MAGEC3: variants seen among roughly 807,000 people sequenced by gnomAD.
MAGEC3 encodes MAGE family member C3.
MAGEC3 carries 34 observed loss-of-function variants against 35.3 expected under a neutral mutation model. The observed-to-expected ratio is 0.96, with a 90% CI of 0.73 to 1.28. The LOEUF is 1.28. MAGEC3 is among the 50% of genes most tolerant of loss of function. MAGEC3 has a pLI of 0.00. For synonymous variants in MAGEC3, 202 were observed against 185.6 expected (o/e 1.09, Z -0.72); for missense variants, 561 against 483.6 (o/e 1.16, Z -1.50).
At chrX:141,872,941 A>G (rs1025875837) in intron 2 of MAGEC3, among the ~76,000 whole-genome samples, 35 of 112,216 alleles carry the variant, frequency 3.1e-4, no homozygotes, top group African/African-American at 1.1e-3. Flanking sequence ...ACTCAGGATG[A>G]ACTGCCATTG....
chrX:141,855,169 G>A (rs2017772592), intron 1 of MAGEC3, among the ~76,000 whole-genome samples: 1 of 109,552 alleles, frequency 9.1e-6, no homozygotes, highest in Admixed American at 9.6e-5. Context: ...ATCCAACAGT[G>A]TGCAACTGAC....
Position 141,879,395 on chromosome X carries a change from G to A in MAGEC3, c.479G>A (p.Ser160Asn), listed in dbSNP as rs375238036. The change falls in exon 3 of 8, where the codon AGC becomes AAC. Residue 160 changes from serine to asparagine, a missense_variant. Transcript: ENST00000298296. ...TACACCCTTTCCCTTCCTGCCGTCA[G>A]CCCTGGAAAAAGGTTGTGGGGGGAG... Reference protein sequence around the residue: ...TGYTLSLPAVSPGKRLWGEKA... With the variant: ...TGYTLSLPAVNPGKRLWGEKA... 30 of 1,185,436 alleles carry A rather than the reference G, an allele frequency of 2.5e-5. No individual in the cohort carries two copies. Among genetic ancestry groups the A allele is most frequent in the Non-Finnish European group, 3.3e-5 (29 of 882,814 alleles).
chrX:141,887,355 C>T (rs768355808), intron 4 of MAGEC3, among the ~76,000 whole-genome samples: 1 of 112,244 alleles, frequency 8.9e-6, no homozygotes, highest in Non-Finnish European at 1.9e-5. Context: ...ATCCAGTGAG[C>T]GAGAAGTGGC....
chrX:141,889,265 C>G (rs781384457), intron 4 of MAGEC3, among the ~76,000 whole-genome samples: 1 of 111,578 alleles, frequency 9.0e-6, no homozygotes, highest in South Asian at 3.8e-4. Context: ...AATCAGTGTT[C>G]AATATATGGT....
At chrX:141,877,401 T>C (rs2017926761) in intron 2 of MAGEC3, among the ~76,000 whole-genome samples, 1 of 111,994 alleles carries the variant, frequency 8.9e-6, no homozygotes, top group Non-Finnish European at 1.9e-5. Flanking sequence ...ACTTTCATTT[T>C]CATACTCTTT....
intron 6 of MAGEC3, chrX:141,896,308 C>T (rs1439364712): frequency 2.3e-5 from 10 of 444,043 alleles, no homozygotes; most frequent in Admixed American, 1.5e-4. Context: ...GTACCAAGGG[C>T]CCTACCCCCA....
At chrX:141,886,485 G>A (rs966761683) in intron 4 of MAGEC3, among the ~76,000 whole-genome samples, 2 of 111,219 alleles carry the variant, frequency 1.8e-5, no homozygotes, top group Admixed American at 9.5e-5. Context: ...TGGGGAAAGG[G>A]AAATAATTGG....
At chrX:141,896,304 A>G in intron 6 of MAGEC3, 1 of 434,648 alleles carries the variant, frequency 2.3e-6, no homozygotes, top group Non-Finnish European at 3.5e-6. Flanking sequence ...CTGTGTACCA[A>G]GGGCCCTACC....
intron 4 of MAGEC3, among the ~76,000 whole-genome samples, chrX:141,893,069 A>G (rs773581161): frequency 1.8e-5 from 2 of 112,185 alleles, no homozygotes; most frequent in Non-Finnish European, 3.8e-5. Flanking sequence ...ATATATAGGA[A>G]TTTAAAATGA....
chrX:141,840,646 T>C lies in MAGEC3; in HGVS notation c.123+2208T>C, dbSNP rs181857413. Among the ~76,000 whole-genome samples, 201 of 111,252 alleles carry C rather than the reference T, an allele frequency of 1.8e-3. 1 individual carries two copies. The highest frequency in any genetic ancestry group is 3.4e-3 in the Non-Finnish European group (180 of 52,963). ...AGTGCCTCTCCTCACTAAATTGCCA[T>C]ATTAAAGTGGACTGTTCAGCATTTA... On this transcript the variant is annotated intron_variant, in intron 1 of 7. Coordinates refer to ENST00000298296, the MANE Select transcript of MAGEC3 (RefSeq NM_138702.1).
intron 1 of MAGEC3, chrX:141,839,434 A>AGGG (rs2017673167): frequency 6.7e-6 from 5 of 746,952 alleles, no homozygotes; most frequent in Non-Finnish European, 7.9e-6. Flanking sequence ...ATGGAGAAGA[A>AGGG]CGGAGCAAAA....
chrX:141,844,376 G>A (rs1182520318), intron 1 of MAGEC3, among the ~76,000 whole-genome samples: 1 of 111,003 alleles, frequency 9.0e-6, no homozygotes, highest in East Asian at 2.8e-4. Context: ...AGCTCTCAGT[G>A]TAGTTGCAAT....
chrX:141,879,479 T>C, intron 3 of MAGEC3, 48 bp downstream of exon 3: 1 of 1,095,759 alleles, frequency 9.1e-7, no homozygotes, highest in Non-Finnish European at 1.2e-6. Flanking sequence ...GAGGAAAAGG[T>C]GGAGGGATAC....
In MAGEC3 at chrX:141,881,787, T is replaced by C. The variant is rs776601108; in HGVS notation, c.900T>C (p.Asn300=). The change falls in exon 4 of 8, where the codon AAT becomes AAC. Residue 300 remains asparagine, a synonymous_variant. Transcript: ENST00000298296. ...AGGAGGTCATCTGGGAAGTGCTGAA[T>C]GCAATAGGGGTGTGTGCTCAGAGGG... ...ASEEVIWEVL[N]AIGPWSALAG... is the part of the protein sequence containing the mutation. The C allele has an allele frequency of 2.5e-6, 3 of 1,209,384 alleles. No homozygotes were observed. In the African/African-American group the frequency reaches 5.3e-5, roughly 21 times the overall value.
rs767479902 is a variant in MAGEC3, at chrX:141,881,626, GA to G, written c.740del (p.Asp247AlafsTer7). 18 of 1,209,674 alleles carry G rather than the reference GA, an allele frequency of 1.5e-5. No individual in the cohort carries two copies. The highest frequency in any genetic ancestry group is 1.5e-4 in the East Asian group (5 of 33,738). ...FGISLTEVDP[D>X]HFYVFVNTLD... is the part of the protein sequence containing the mutation. ...CATTTCCCTGACAGAAGTGGACCCC[GA>G]CCATTTCTATGTCTTTGTAAACACA... is the stretch of plus-strand genomic sequence containing the variant. On this transcript the variant is annotated frameshift_variant, in exon 4 of 8. Coordinates refer to ENST00000298296, the MANE Select transcript of MAGEC3 (RefSeq NM_138702.1). LOFTEE classifies it high-confidence loss of function.
intron 1 of MAGEC3, among the ~76,000 whole-genome samples, chrX:141,841,646 A>G (rs2017686437): frequency 8.9e-6 from 1 of 112,088 alleles, no homozygotes; most frequent in African/African-American, 3.2e-5. Context: ...CTTAGTAGAC[A>G]CATATTAAGC....
At chrX:141,847,759 G>T (rs986541062) in intron 1 of MAGEC3, among the ~76,000 whole-genome samples, 3 of 110,915 alleles carry the variant, frequency 2.7e-5, no homozygotes, top group African/African-American at 9.8e-5. Context: ...TATTAGAAAA[G>T]AAGAAAGATC....
At chrX:141,861,204 A>C (rs1192495985) in intron 1 of MAGEC3, among the ~76,000 whole-genome samples, 1 of 111,069 alleles carries the variant, frequency 9.0e-6, no homozygotes, top group Non-Finnish European at 1.9e-5. Context: ...AAAGGGTATT[A>C]AAATTATGTC....
intron 3 of MAGEC3, chrX:141,880,666 G>A: frequency 4.6e-6 from 2 of 432,513 alleles, no homozygotes; most frequent in South Asian, 3.4e-5. Context: ...AGACCTGGCA[G>A]CACCTGGCCA....
Sources: gnomAD v4.1 joint callset for allele counts (sites outside exome capture counted in the v4.1 genomes callset) on GRCh38, gnomAD v4.1.1 for gene constraint, MANE v1.5 for transcripts, NCBI Gene and HGNC (gene_info 2026-07-23, HGNC 2026-07-21) for gene names.